DTWD2: variants seen among roughly 807,000 people sequenced by gnomAD.
DTWD2 encodes the protein tRNA-uridine aminocarboxypropyltransferase 2.
In DTWD2, 39 loss-of-function variants were observed where a neutral mutation model predicts 31.8. That is an observed-to-expected ratio of 1.22 (90% CI 0.95 to 1.60). The LOEUF (loss-of-function observed/expected upper bound fraction) is 1.60, where lower values mean the gene tolerates loss of function less well. DTWD2 is among the 40% of genes most tolerant of loss of function. DTWD2 has a pLI of 0.00. For missense variants in DTWD2, 515 were observed against 381.5 expected, an observed-to-expected ratio of 1.35 and a Z score of -2.92; for synonymous variants, 180 against 142.8, an observed-to-expected ratio of 1.26 and a Z score of -1.86.
chr5:118,987,739 G>A (rs1020779942), intron 1 of DTWD2, among the ~76,000 whole-genome samples: 5 of 152,206 alleles, frequency 3.3e-5, no homozygotes, highest in South Asian at 2.1e-4. Context: ...GTGTTCCGAA[G>A]AAAGGTCTGA....
chr5:118,893,173 G>A (rs541859494), intron 4 of DTWD2, among the ~76,000 whole-genome samples: 21 of 152,052 alleles, frequency 1.4e-4, no homozygotes, highest in African/African-American at 4.8e-4. Flanking sequence ...TCAGGAGTTC[G>A]AGACTAGCCT....
intron 3 of DTWD2, among the ~76,000 whole-genome samples, chr5:118,933,244 G>A (rs1010231839): frequency 6.6e-6 from 1 of 152,142 alleles, no homozygotes; most frequent in Non-Finnish European, 1.5e-5. Flanking sequence ...ATTTCAGGAA[G>A]AAATGGTATC....
chr5:118,890,468 T>A (rs970092618), intron 4 of DTWD2, among the ~76,000 whole-genome samples: 2 of 152,064 alleles, frequency 1.3e-5, no homozygotes, highest in Non-Finnish European at 2.9e-5. Context: ...ATCAAACTCC[T>A]GATTTCATGA....
chr5:118,843,330 C>CGAGG (rs1377198460), intron 5 of DTWD2, among the ~76,000 whole-genome samples: 1 of 115,250 alleles, frequency 8.7e-6, no homozygotes, highest in Non-Finnish European at 1.8e-5. Flanking sequence ...AGGAAGGAAG[C>CGAGG]GAGGGAGGGA....
At chr5:118,978,241 C>A (rs146468740) in intron 1 of DTWD2, among the ~76,000 whole-genome samples, 1 of 151,954 alleles carries the variant, frequency 6.6e-6, no homozygotes, top group African/African-American at 2.4e-5. Context: ...GAATTAAAGA[C>A]GTAAATGTAA....
intron 4 of DTWD2, among the ~76,000 whole-genome samples, chr5:118,909,098 T>C (rs899396449): frequency 1.3e-5 from 2 of 152,174 alleles, no homozygotes; most frequent in African/African-American, 4.8e-5. Flanking sequence ...AGTTTCTCCA[T>C]CCTTTTAGGG....
Position 118,889,878 on chromosome 5 carries a change from A to C in DTWD2, c.597+38659T>G, listed in dbSNP as rs532218430. Among the ~76,000 whole-genome samples, 3 of 152,294 alleles carry C rather than the reference A, an allele frequency of 2.0e-5. No homozygotes were observed. In the South Asian group the frequency reaches 6.2e-4, roughly 32 times the overall value. Reference sequence around the variant, plus strand: ...CTACTTAGCTATCCCCTAAAACTCAAGATCCTCTGGCTTCAAAAACGTATG... The same window carrying C: ...CTACTTAGCTATCCCCTAAAACTCACGATCCTCTGGCTTCAAAAACGTATG... On this transcript the variant is annotated intron_variant, in intron 4 of 5. Transcript: ENST00000510708.
intron 1 of DTWD2, among the ~76,000 whole-genome samples, chr5:118,984,460 C>CA (rs955298520): frequency 0.013 from 948 of 74,442 alleles, 6 homozygotes; most frequent in Middle Eastern, 0.058. Flanking sequence ...GACTCCGTTT[C>CA]AAAAAAAAAA....
chr5:118,973,825 C>T (rs537950997), intron 1 of DTWD2: 97 of 1,612,380 alleles, frequency 6.0e-5, no homozygotes, highest in Non-Finnish European at 7.8e-5. Context: ...ACACCAGCTC[C>T]GAAATCACCA....
intron 4 of DTWD2, among the ~76,000 whole-genome samples, chr5:118,902,224 A>G (rs1010115541): frequency 6.6e-6 from 1 of 152,178 alleles, no homozygotes; most frequent in African/African-American, 2.4e-5. Context: ...ATCAATTATC[A>G]AATGTTCAAA....
At chr5:118,911,324 G>A in intron 4 of DTWD2, among the ~76,000 whole-genome samples, 1 of 152,206 alleles carries the variant, frequency 6.6e-6, no homozygotes, top group East Asian at 1.9e-4. Context: ...CCTTACATCT[G>A]TTAGAATAGC....
chr5:118,894,408 A>G (rs1282209879), intron 4 of DTWD2, among the ~76,000 whole-genome samples: 1 of 152,182 alleles, frequency 6.6e-6, no homozygotes, highest in Non-Finnish European at 1.5e-5. Context: ...AAAAAAAGAG[A>G]AAGAATAGAG....
intron 1 of DTWD2, among the ~76,000 whole-genome samples, chr5:118,967,212 G>T (rs1476962219): frequency 6.6e-6 from 1 of 152,062 alleles, no homozygotes; most frequent in Non-Finnish European, 1.5e-5. Flanking sequence ...ATTAGAGAAG[G>T]GAGGAAGACT....
chr5:118,841,113 A>G lies in DTWD2; in HGVS notation c.727-26T>C, dbSNP rs1396191473. ...CTGTCAAGAGAAAAAAGACACTAAA[A>G]AAGTATCTGTGACAAATCATGATAT... is the stretch of plus-strand genomic sequence containing the variant. On this transcript the variant is annotated intron_variant, in intron 5 of 5. Coordinates refer to ENST00000510708, the MANE Select transcript of DTWD2 (RefSeq NM_173666.4). 2.5e-6 allele frequency: 4 copies of G among 1,584,306 alleles called. No homozygotes were observed. In the African/African-American group the frequency reaches 5.4e-5, roughly 22 times the overall value.
At chr5:118,915,576 A>G (rs1225730323) in intron 4 of DTWD2, among the ~76,000 whole-genome samples, 4 of 152,046 alleles carry the variant, frequency 2.6e-5, no homozygotes, top group South Asian at 2.1e-4. Flanking sequence ...GGGTTTCACC[A>G]TGTTAGCCAG....
chr5:118,895,466 T>C (rs916047498), intron 4 of DTWD2, among the ~76,000 whole-genome samples: 5 of 152,166 alleles, frequency 3.3e-5, no homozygotes, highest in Non-Finnish European at 5.9e-5. Flanking sequence ...AATGCAATCC[T>C]TACCAAATAC....
intron 1 of DTWD2, among the ~76,000 whole-genome samples, chr5:118,976,164 C>T (rs1755152081): frequency 6.6e-6 from 1 of 152,150 alleles, no homozygotes; most frequent in African/African-American, 2.4e-5. Flanking sequence ...CACAACGTAC[C>T]AGTATATCTG....
chr5:118,841,401 G>A (rs767651601), intron 5 of DTWD2, among the ~76,000 whole-genome samples: 2 of 152,074 alleles, frequency 1.3e-5, no homozygotes, highest in Non-Finnish European at 2.9e-5. Context: ...CATTATAATT[G>A]AATCCATAAC....
At chr5:118,927,862 A>C (rs1753842953) in intron 4 of DTWD2, among the ~76,000 whole-genome samples, 1 of 152,118 alleles carries the variant, frequency 6.6e-6, no homozygotes, top group Non-Finnish European at 1.5e-5. Context: ...AAAATATTAA[A>C]ATCTCTCCAA....
Sources: gnomAD v4.1 joint callset for allele counts (sites outside exome capture counted in the v4.1 genomes callset) on GRCh38, gnomAD v4.1.1 for gene constraint, MANE v1.5 for transcripts, NCBI Gene and HGNC (gene_info 2026-07-23, HGNC 2026-07-21) for gene names.